SLC25A3: variants seen among roughly 807,000 people sequenced by gnomAD.
The protein encoded by SLC25A3 is solute carrier family 25 member 3, also known as phosphate transport protein.
SLC25A3 carries 14 observed loss-of-function variants against 37.1 expected under a neutral mutation model. That is an observed-to-expected ratio of 0.38 (90% CI 0.25 to 0.59). SLC25A3 has a LOEUF of 0.59. Ranked by LOEUF, SLC25A3 falls within the 20% of genes least tolerant of loss-of-function variation. The pLI is 0.67. For missense variants in SLC25A3, 385 were observed against 458.1 expected, an observed-to-expected ratio of 0.84 and a Z score of 1.46; for synonymous variants, 161 against 168.7, an observed-to-expected ratio of 0.95 and a Z score of 0.36.
Position 98,603,322 on chromosome 12 carries a change from C to T in SLC25A3, c.*1794C>T, listed in dbSNP as rs1298694630. On this transcript the variant is annotated 3_prime_UTR_variant, in exon 8 of 8. Coordinates refer to ENST00000552981, the MANE Select transcript of SLC25A3 (RefSeq NM_002635.4). ...CCGAAAATCTCTAGCATGGTGGCTTCAGGGCAGCTGGACTTAGGTGGTATT... is the reference window on the plus strand; with the variant it reads ...CCGAAAATCTCTAGCATGGTGGCTTTAGGGCAGCTGGACTTAGGTGGTATT... The T allele has an allele frequency of 6.6e-6, 1 of 152,232 alleles. No individual in the cohort carries two copies. The highest frequency in any genetic ancestry group is 1.5e-5 in the Non-Finnish European group (1 of 68,082). The allele number at this position is 152,232 out of a possible 1,614,324, so 9.4% of individuals were successfully genotyped here.
intron 3 of SLC25A3, among the ~76,000 whole-genome samples, chr12:98,597,195 A>G (rs566401200): frequency 1.4e-4 from 21 of 152,320 alleles, no homozygotes; most frequent in African/African-American, 5.1e-4. Context: ...TCACTCCAAG[A>G]CTTAGGTTTG....
chr12:98,595,400 A>G (rs1204547240), intron 2 of SLC25A3: 4 of 1,610,280 alleles, frequency 2.5e-6, no homozygotes, highest in Non-Finnish European at 3.4e-6. Context: ...CTGAAGAAAT[A>G]CTTACTTGAT....
chr12:98,599,783 A>G, intron 5 of SLC25A3, 172 bp from the exon 6 acceptor site: 1 of 818,902 alleles, frequency 1.2e-6, no homozygotes, highest in East Asian at 2.5e-5. Flanking sequence ...ATTGGCATGT[A>G]AGAGAAATAT....
rs1592977902 is a variant in SLC25A3 at position 98,598,765 on chromosome 12, T to G, written c.641+62T>G. 8 of 1,464,834 alleles carry G rather than the reference T, an allele frequency of 5.5e-6. No individual in the cohort carries two copies. The East Asian group carries it at 2.0e-4, about 37-fold the overall frequency. The allele number at this position is 1,464,834 out of a possible 1,614,324, so 90.7% of individuals were successfully genotyped here. ...CTTATTTTAAGTGAACTTCATTTTT[T>G]TTTGTTTTTTTTTTTGTTTTGTTTT... On this transcript the variant is annotated intron_variant, in intron 5 of 7. Transcript: ENST00000552981.
rs764526384 is a variant in SLC25A3 at position 98,597,036 on chromosome 12, CAAAA to C, written c.280-816_280-813del. On this transcript the variant is annotated intron_variant, in intron 3 of 7. Coordinates refer to ENST00000552981, the MANE Select transcript of SLC25A3 (RefSeq NM_002635.4). ...TCAAAAAACAAACAAACAAAAAACA[CAAAA>C]AAAGTAGTAGGAGTTGGGTGGTAAG... is the stretch of plus-strand genomic sequence containing the variant. Among the ~76,000 whole-genome samples, 105 of 152,116 alleles carry C rather than the reference CAAAA, an allele frequency of 6.9e-4. 1 individual carries two copies. The Middle Eastern group carries it at 0.017, about 25-fold the overall frequency.
chr12:98,595,665 A>G, intron 2 of SLC25A3, 62 bp from the exon 3 acceptor site: 2 of 1,613,998 alleles, frequency 1.2e-6, no homozygotes, highest in Non-Finnish European at 1.7e-6. Context: ...CCAGGAGGTA[A>G]GTTTATGACC....
In SLC25A3 at chr12:98,602,730, A is replaced by C. The variant is rs887400181; in HGVS notation, c.*1202A>C. On this transcript the variant is annotated 3_prime_UTR_variant, in exon 8 of 8. Coordinates refer to ENST00000552981, the MANE Select transcript of SLC25A3 (RefSeq NM_002635.4). ...GCCCACCACTGGAAAAAAAACGAAA[A>C]ACCTAGTGTAATATATAACATGCTG... is the stretch of plus-strand genomic sequence containing the variant. 1 of 152,212 alleles carries C rather than the reference A, an allele frequency of 6.6e-6. No homozygotes were observed. The highest frequency in any genetic ancestry group is 2.4e-5 in the African/African-American group (1 of 41,462). The allele number at this position is 152,212 out of a possible 1,614,324, so 9.4% of individuals were successfully genotyped here.
intron 6 of SLC25A3, 43 bp downstream of exon 6, chr12:98,600,170 A>G (rs769607880): frequency 7.8e-7 from 1 of 1,285,878 alleles, no homozygotes; most frequent in Non-Finnish European, 1.1e-6. Context: ...TTATGAACAA[A>G]TAATCATTTC....
intron 5 of SLC25A3, 61 bp downstream of exon 5, chr12:98,598,764 T>TG: frequency 1.4e-6 from 2 of 1,462,104 alleles, no homozygotes; most frequent in East Asian, 5.1e-5. Context: ...ACTTCATTTT[T>TG]TTTTGTTTTT....
chr12:98,594,055 T>C lies in SLC25A3; in HGVS notation c.77T>C (p.Leu26Pro), dbSNP rs2097590805. Residue 26 changes from leucine (L) to proline (P), a missense_variant, in exon 2 of 8, where the codon CTC becomes CCC. Transcript: ENST00000552981. ...CATCTGCAGCTGGTGCACGATGGTC[T>C]CGGGGACCTCCGCAGCAGCTCCCCA... ...TPHLQLVHDG[L>P]GDLRSSSPGP... The C allele has an allele frequency of 6.2e-7, 1 of 1,613,262 alleles. No individual in the cohort carries two copies. Among genetic ancestry groups the C allele is most frequent in the Middle Eastern group, 1.6e-4 (1 of 6,062 alleles).
intron 3 of SLC25A3, among the ~76,000 whole-genome samples, chr12:98,596,613 T>G (rs1193896820): frequency 6.6e-6 from 1 of 152,116 alleles, no homozygotes; most frequent in Non-Finnish European, 1.5e-5. Flanking sequence ...TTTTAACTTG[T>G]GTTTAGTTTG....
intron 6 of SLC25A3, 120 bp from the exon 7 acceptor site, chr12:98,601,051 T>C: frequency 8.7e-7 from 1 of 1,148,956 alleles, no homozygotes. Context: ...CGTGTCACCC[T>C]GAGTCTGATT....
intron 6 of SLC25A3, 60 bp downstream of exon 6, chr12:98,600,187 T>A: frequency 8.1e-7 from 1 of 1,232,504 alleles, no homozygotes; most frequent in Non-Finnish European, 1.2e-6. Context: ...TTTCCATTAT[T>A]GGCGTTTTTT....
intron 3 of SLC25A3, among the ~76,000 whole-genome samples, chr12:98,596,953 A>C (rs1202153748): frequency 1.3e-5 from 2 of 152,182 alleles, no homozygotes; most frequent in African/African-American, 4.8e-5. Context: ...TGGGAGGTGG[A>C]GGTTGCAGTG....
chr12:98,595,539 G>A, intron 2 of SLC25A3, 188 bp from the exon 3 acceptor site: 1 of 1,614,180 alleles, frequency 6.2e-7, no homozygotes, highest in Non-Finnish European at 8.5e-7. Flanking sequence ...CTCTAGATCT[G>A]GTTAAATGCA....
chr12:98,599,105 A>G (rs1243456623), intron 5 of SLC25A3, among the ~76,000 whole-genome samples: 1 of 149,268 alleles, frequency 6.7e-6, no homozygotes, highest in Non-Finnish European at 1.5e-5. Flanking sequence ...CTTGTTGTCC[A>G]GGCTGGAGTG....
At chr12:98,599,614 G>A (rs1283451935) in intron 5 of SLC25A3, 1 of 533,478 alleles carries the variant, frequency 1.9e-6, no homozygotes, top group East Asian at 5.1e-5. Flanking sequence ...TCTATTCACA[G>A]TTAAGAATTT....
rs2097598229 is a variant in SLC25A3, at chr12:98,601,898, A to G, written c.*370A>G. On this transcript the variant is annotated 3_prime_UTR_variant, in exon 8 of 8. Transcript: ENST00000552981. Reference sequence around the variant, plus strand: ...TATCACACAAAGTTCCTGTATTTCTAGGGAAGCAGACTTTAAATTTCTAAA... The same window carrying G: ...TATCACACAAAGTTCCTGTATTTCTGGGGAAGCAGACTTTAAATTTCTAAA... 4.4e-6 allele frequency: 1 copy of G among 226,608 alleles called. No homozygotes were observed. Among genetic ancestry groups the G allele is most frequent in the South Asian group, 6.1e-5 (1 of 16,486 alleles). 14.0% of individuals were successfully genotyped at this position (226,608 alleles called of 1,614,324 possible).
Position 98,601,753 on chromosome 12 carries a change from C to A in SLC25A3, c.*225C>A. 1.9e-6 allele frequency: 1 copy of A among 534,232 alleles called. No homozygotes were observed. The highest frequency in any genetic ancestry group is 3.3e-5 in the Admixed American group (1 of 30,570). The allele number at this position is 534,232 out of a possible 1,614,324, so 33.1% of individuals were successfully genotyped here. ...TAAAACTTTTTTAAAAAAGATTTAG[C>A]TTTAAAATAGTTGGAAAGAATGAAG... On this transcript the variant is annotated 3_prime_UTR_variant, in exon 8 of 8. Coordinates refer to ENST00000552981, the MANE Select transcript of SLC25A3 (RefSeq NM_002635.4).
Sources: gnomAD v4.1 joint callset for allele counts (sites outside exome capture counted in the v4.1 genomes callset) on GRCh38, gnomAD v4.1.1 for gene constraint, MANE v1.5 for transcripts, NCBI Gene and HGNC (gene_info 2026-07-23, HGNC 2026-07-21) for gene names.